The following AGBL1 variants were observed in gnomAD, a reference collection of about 807,000 sequenced individuals.
The protein encoded by AGBL1 is cytosolic carboxypeptidase 4.
AGBL1 carries 130 observed loss-of-function variants against 118.9 expected under a neutral mutation model. The ratio of observed to expected loss-of-function variants is 1.09; its 90% CI spans 0.95 to 1.26. The LOEUF (loss-of-function observed/expected upper bound fraction) is 1.26, where lower values mean the gene tolerates loss of function less well. Ranked by LOEUF, AGBL1 falls within the 50% of genes most tolerant of loss-of-function variation. The probability of loss-of-function intolerance (pLI) is 0.00; values close to 1 mark genes in which losing one functional copy is unlikely to be tolerated. For missense variants in AGBL1, 1,584 were observed against 1,298.1 expected (o/e 1.22, Z -3.38); for synonymous variants, 555 against 478.9 (o/e 1.16, Z -2.08).
At chr15:86,816,195 C>A (rs545211008) in intron 22 of AGBL1, among the ~76,000 whole-genome samples, 2 of 152,230 alleles carry the variant, frequency 1.3e-5, no homozygotes, top group South Asian at 2.1e-4. Context: ...GGACAGAGGA[C>A]AAAATGTATA....
intron 16 of AGBL1, among the ~76,000 whole-genome samples, chr15:86,286,333 T>C (rs781085209): frequency 4.6e-4 from 70 of 152,116 alleles, no homozygotes; most frequent in Admixed American, 2.6e-4. Context: ...ATTACTCTTT[T>C]AGGGATTTTG....
At chr15:86,488,508 A>C (rs2082738618) in intron 18 of AGBL1, among the ~76,000 whole-genome samples, 1 of 152,068 alleles carries the variant, frequency 6.6e-6, no homozygotes, top group Non-Finnish European at 1.5e-5. Flanking sequence ...CATTAGACTC[A>C]GATGCGGTCC....
At chr15:86,772,189 G>T (rs78608728) in intron 22 of AGBL1, among the ~76,000 whole-genome samples, 6,207 of 151,930 alleles carry the variant, frequency 0.041, 313 homozygotes, top group African/African-American at 0.1. Flanking sequence ...AATTAAATTG[G>T]GGTTGAGCAC....
At chr15:86,917,917 A>ATC (rs2080444702), downstream of AGBL1, among the ~76,000 whole-genome samples, 1 of 152,086 alleles carries the variant, frequency 6.6e-6, no homozygotes, top group Non-Finnish European at 1.5e-5. The surrounding 1 kb of genome is among the most constrained non-coding windows in gnomAD (Gnocchi z 4.8). Context: ...GTTCTGTGGG[A>ATC]TCTCATTTCA....
At chr15:86,544,262 G>A (rs540319729) in intron 19 of AGBL1, among the ~76,000 whole-genome samples, 1 of 152,204 alleles carries the variant, frequency 6.6e-6, no homozygotes, top group East Asian at 1.9e-4. Context: ...TAGGTCAATC[G>A]GGATGACTTT....
intron 21 of AGBL1, among the ~76,000 whole-genome samples, chr15:86,627,997 G>C (rs1005781064): frequency 1.3e-5 from 2 of 152,200 alleles, no homozygotes; most frequent in African/African-American, 4.8e-5. Context: ...CTGTTTAGGA[G>C]AGCTGTAGGC....
intron 16 of AGBL1, among the ~76,000 whole-genome samples, chr15:86,287,220 G>A (rs1015572581): frequency 6.6e-6 from 1 of 152,122 alleles, no homozygotes; most frequent in African/African-American, 2.4e-5. Context: ...TTGTTACTGT[G>A]TAGTTGGTGT....
intron 18 of AGBL1, among the ~76,000 whole-genome samples, chr15:86,416,848 G>A (rs774024008): frequency 1.3e-5 from 2 of 152,134 alleles, no homozygotes; most frequent in African/African-American, 2.4e-5. Flanking sequence ...TTAGCAATTC[G>A]ATGCTATGTA....
At chr15:86,090,326 A>C (rs1314103508) in intron 1 of AGBL1, among the ~76,000 whole-genome samples, 1 of 152,172 alleles carries the variant, frequency 6.6e-6, no homozygotes, top group African/African-American at 2.4e-5. Flanking sequence ...AAAAAATTTA[A>C]TTAATATGTA....
intron 6 of AGBL1, among the ~76,000 whole-genome samples, chr15:86,228,977 T>C (rs565698795): frequency 6.6e-6 from 1 of 152,268 alleles, no homozygotes; most frequent in East Asian, 1.9e-4. Context: ...TTTCCTTGTA[T>C]CAGTTCCCCT....
chr15:86,404,454 G>T (rs935165959), intron 18 of AGBL1, among the ~76,000 whole-genome samples: 1 of 152,132 alleles, frequency 6.6e-6, no homozygotes, highest in Non-Finnish European at 1.5e-5. Context: ...TGTCTCCTCT[G>T]GGCTGGGCCA....
chr15:86,305,965 C>T (rs1421086226), intron 17 of AGBL1, among the ~76,000 whole-genome samples: 1 of 151,464 alleles, frequency 6.6e-6, no homozygotes, highest in Non-Finnish European at 1.5e-5. Flanking sequence ...TATCTGTCTT[C>T]TGCATTTTTA....
chr15:86,418,509 C>A (rs1025753996), intron 18 of AGBL1, among the ~76,000 whole-genome samples: 1 of 152,180 alleles, frequency 6.6e-6, no homozygotes, highest in Non-Finnish European at 1.5e-5. Context: ...TCCTAAGAGA[C>A]CCCATATTTC....
chr15:86,172,369 A>G (rs1229061118), intron 5 of AGBL1, among the ~76,000 whole-genome samples: 1 of 152,124 alleles, frequency 6.6e-6, no homozygotes, highest in Non-Finnish European at 1.5e-5. Flanking sequence ...TTGTGTTGGG[A>G]ATATTTCAAA....
At chr15:86,366,164 A>G (rs541796457) in intron 17 of AGBL1, among the ~76,000 whole-genome samples, 2 of 152,240 alleles carry the variant, frequency 1.3e-5, no homozygotes, top group African/African-American at 4.8e-5. Context: ...AAAGGCTGTA[A>G]CACAATCCTC....
intron 21 of AGBL1, among the ~76,000 whole-genome samples, chr15:86,647,456 T>C (rs1018833004): frequency 3.9e-5 from 6 of 152,226 alleles, no homozygotes; most frequent in African/African-American, 1.2e-4. Flanking sequence ...ATCCCAGCAC[T>C]TTGGGAGGCC....
chr15:86,373,749 C>G (rs539004482), intron 17 of AGBL1, among the ~76,000 whole-genome samples: 2 of 152,192 alleles, frequency 1.3e-5, no homozygotes, highest in African/African-American at 2.4e-5. Context: ...GGTTAAGTCT[C>G]ACATTCGGTC....
chr15:86,811,386 G>C (rs1045810719), intron 22 of AGBL1, among the ~76,000 whole-genome samples: 1 of 152,172 alleles, frequency 6.6e-6, no homozygotes, highest in African/African-American at 2.4e-5. Flanking sequence ...GGAGTAGTAA[G>C]ATCTGGGTCT....
At chr15:86,626,877 C>T (rs527679583) in intron 21 of AGBL1, among the ~76,000 whole-genome samples, 1 of 149,452 alleles carries the variant, frequency 6.7e-6, no homozygotes, top group Non-Finnish European at 1.5e-5. Context: ...TTACTCTGTC[C>T]CCCAGGTTGG....
Sources: gnomAD v4.1 joint callset for allele counts (sites outside exome capture counted in the v4.1 genomes callset) on GRCh38, gnomAD v4.1.1 for gene constraint, Gnocchi (gnomAD v3.1) non-coding constraint, MANE v1.5 for transcripts, NCBI Gene and HGNC (gene_info 2026-07-23, HGNC 2026-07-21) for gene names.